GDPD5: variants seen among roughly 807,000 people sequenced by gnomAD.
The protein encoded by GDPD5 is glycerophosphodiester phosphodiesterase 2.
Under a neutral mutation model 75.1 loss-of-function variants are expected in GDPD5, and 48 were observed. The ratio of observed to expected loss-of-function variants is 0.64; its 90% CI spans 0.51 to 0.81. The LOEUF (loss-of-function observed/expected upper bound fraction) is 0.81, where lower values mean the gene tolerates loss of function less well. Ranked by LOEUF, GDPD5 falls within the 40% of genes least tolerant of loss-of-function variation. The probability of loss-of-function intolerance (pLI) is 0.00; values close to 1 mark genes in which losing one functional copy is unlikely to be tolerated. For missense variants in GDPD5, 706 were observed against 822.6 expected, an observed-to-expected ratio of 0.86 and a Z score of 1.73; for synonymous variants, 336 against 339.0, an observed-to-expected ratio of 0.99 and a Z score of 0.10.
In GDPD5 at chr11:75,492,778, G is replaced by A. The variant is rs574765936; in HGVS notation, c.-144-2458C>T. Among the ~76,000 whole-genome samples, 13 of 152,254 alleles carry A rather than the reference G, an allele frequency of 8.5e-5. No homozygotes were observed. The East Asian group carries it at 2.3e-3, about 27-fold the overall frequency. On this transcript the variant is annotated intron_variant, in intron 1 of 16. Coordinates refer to ENST00000336898, the MANE Select transcript of GDPD5 (RefSeq NM_030792.8). ...ACGGAGTTTCGCTCTTGTTGCCCAG[G>A]TTATAATGCAGTGGTGTAATCTTGG... is the stretch of plus-strand genomic sequence containing the variant.
intron 4 of GDPD5, among the ~76,000 whole-genome samples, chr11:75,459,209 G>A (rs927824961): frequency 6.6e-5 from 10 of 152,164 alleles, no homozygotes; most frequent in Middle Eastern, 3.4e-3. Flanking sequence ...GCATGAAATA[G>A]TTTCTAATTC....
chr11:75,505,955 G>A (rs886922388), intron 1 of GDPD5, among the ~76,000 whole-genome samples: 2 of 152,134 alleles, frequency 1.3e-5, no homozygotes, highest in African/African-American at 2.4e-5. Flanking sequence ...TGGCTCTCAG[G>A]AACCCCTAGT....
At chr11:75,453,395 G>C (rs1352981717) in intron 6 of GDPD5, among the ~76,000 whole-genome samples, 2 of 152,034 alleles carry the variant, frequency 1.3e-5, no homozygotes, top group Non-Finnish European at 2.9e-5. Flanking sequence ...GAGGTGGGCG[G>C]ATCACGAGGT....
rs866027263 is a variant in GDPD5, at chr11:75,447,797, A to G, written c.714+1180T>C. The stretch of plus-strand genomic sequence containing the variant: ...CCCCCACTGGGAAGGCTGGGCTCCA[A>G]TTGGTCCTCACAATAACCAGCAGCA... On this transcript the variant is annotated intron_variant, in intron 9 of 16. Coordinates refer to ENST00000336898, the MANE Select transcript of GDPD5 (RefSeq NM_030792.8). Among the ~76,000 whole-genome samples the G allele has an allele frequency of 1.3e-3, 192 of 152,024 alleles. 1 individual carries two copies. The highest frequency in any genetic ancestry group is 4.3e-3 in the African/African-American group (178 of 41,374).
intron 6 of GDPD5, chr11:75,452,145 C>T (rs958328702): frequency 8.5e-5 from 13 of 152,270 alleles, no homozygotes; most frequent in South Asian, 4.1e-4. Flanking sequence ...GGTGGAACCC[C>T]GCCTTGCAGA....
At chr11:75,435,960 GAGT>G (rs1948614906) in intron 16 of GDPD5, among the ~76,000 whole-genome samples, 1 of 152,172 alleles carries the variant, frequency 6.6e-6, no homozygotes, top group Non-Finnish European at 1.5e-5. Flanking sequence ...CCTCTCTTAG[GAGT>G]GACTGCCCCA....
chr11:75,488,537 C>T (rs912169868), intron 2 of GDPD5, among the ~76,000 whole-genome samples: 2 of 152,014 alleles, frequency 1.3e-5, no homozygotes, highest in Non-Finnish European at 2.9e-5. Flanking sequence ...CCTCTCCTAC[C>T]CCTCCTTGTA....
At chr11:75,453,051 G>T in intron 6 of GDPD5, 1 of 152,358 alleles carries the variant, frequency 6.6e-6, no homozygotes. Flanking sequence ...CAGGGAAAGG[G>T]CCTCCTGTTT....
chr11:75,483,142 C>G (rs1386121365), intron 2 of GDPD5, among the ~76,000 whole-genome samples: 1 of 152,160 alleles, frequency 6.6e-6, no homozygotes, highest in East Asian at 1.9e-4. Flanking sequence ...CGTCCCAGGG[C>G]TGCTGATACC....
intron 3 of GDPD5, among the ~76,000 whole-genome samples, chr11:75,465,717 G>C (rs1267978343): frequency 1.3e-5 from 2 of 152,228 alleles, no homozygotes; most frequent in Non-Finnish European, 2.9e-5. Flanking sequence ...ATGGCTGTCT[G>C]TCCACAGAGA....
intron 2 of GDPD5, among the ~76,000 whole-genome samples, chr11:75,489,901 G>C (rs373277738): frequency 2.6e-5 from 4 of 152,044 alleles, no homozygotes; most frequent in African/African-American, 9.7e-5. Flanking sequence ...ACCATGCCTG[G>C]CGACCTGCCT....
chr11:75,449,948 C>T lies in GDPD5; in HGVS notation c.411G>A (p.Val137=). ...GLVVILASTV[V]AMSAVAQLWE... ...ACAGCTGGGCCACGGCCGACATGGC[C>T]ACCACCGTGGAAGCCAGGATGACCA... is the stretch of plus-strand genomic sequence containing the variant. The change falls in exon 7 of 17, where the codon GTG becomes GTA. Residue 137 remains valine (V), a synonymous_variant. Transcript: ENST00000336898. 6.2e-7 allele frequency: 1 copy of T among 1,613,774 alleles called. No individual in the cohort carries two copies. Among genetic ancestry groups the T allele is most frequent in the African/African-American group, 1.3e-5 (1 of 75,038 alleles).
chr11:75,459,334 ATT>A (rs34572465), intron 4 of GDPD5, among the ~76,000 whole-genome samples: 76,193 of 139,816 alleles, frequency 0.54, 21,233 homozygotes, highest in East Asian at 0.78. Context: ...AAGAGAATGA[ATT>A]TTTTTTTTTT....
chr11:75,499,163 G>A (rs1950261496), intron 1 of GDPD5, among the ~76,000 whole-genome samples: 1 of 152,034 alleles, frequency 6.6e-6, no homozygotes, highest in South Asian at 2.1e-4. Context: ...CAGAGATGAG[G>A]AAACTGAAGC....
chr11:75,485,016 G>A (rs1192044548), intron 2 of GDPD5, among the ~76,000 whole-genome samples: 1 of 152,158 alleles, frequency 6.6e-6, no homozygotes, highest in Non-Finnish European at 1.5e-5. Context: ...GCAATAAAAA[G>A]GAGTCAGCTA....
At chr11:75,469,555 G>A (rs1241533066) in intron 3 of GDPD5, among the ~76,000 whole-genome samples, 1 of 152,226 alleles carries the variant, frequency 6.6e-6, no homozygotes, top group East Asian at 1.9e-4. Context: ...TGACCAAGGT[G>A]GAAACAGGCT....
intron 1 of GDPD5, among the ~76,000 whole-genome samples, chr11:75,513,067 C>T (rs995405410): frequency 8.5e-5 from 13 of 152,122 alleles, no homozygotes; most frequent in African/African-American, 2.4e-4. Flanking sequence ...CAGCATCACA[C>T]GTGGAGGGTT....
intron 1 of GDPD5, among the ~76,000 whole-genome samples, chr11:75,522,862 C>T (rs1941518611): frequency 6.6e-6 from 1 of 152,076 alleles, no homozygotes; most frequent in Non-Finnish European, 1.5e-5. Context: ...GCTCCAGGCA[C>T]CACAGCCCTG....
In GDPD5 at chr11:75,496,779, C is replaced by CTTTCTTTT. The variant is rs58663409; in HGVS notation, c.-144-6460_-144-6459insAAAAGAAA. On this transcript the variant is annotated intron_variant, in intron 1 of 16. Transcript: ENST00000336898. ...TTCTTTTTTTTTCTTTTCTTTCTTT[C>CTTTCTTTT]TTTTTTTTTTTTTTTTTTTGTGACG... 3.1e-3 allele frequency among the ~76,000 whole-genome samples: 322 copies of CTTTCTTTT among 103,194 alleles called. 2 individuals are homozygous for CTTTCTTTT. The highest frequency in any genetic ancestry group is 3.5e-3 in the Non-Finnish European group (188 of 54,316). 67.7% of individuals were successfully genotyped at this position (103,194 alleles called of 152,430 possible).
Sources: allele counts gnomAD v4.1 joint callset (sites outside exome capture counted in the v4.1 genomes callset), GRCh38; gene constraint gnomAD v4.1.1; transcripts MANE v1.5; gene names NCBI Gene and HGNC (gene_info 2026-07-23, HGNC 2026-07-21).